The following ARHGEF10 variants were observed in gnomAD, a reference collection of about 807,000 sequenced individuals.
ARHGEF10 encodes the protein Rho guanine nucleotide exchange factor 10.
In ARHGEF10, 140 loss-of-function variants were observed where a neutral mutation model predicts 147.4. The ratio of observed to expected loss-of-function variants is 0.95; its 90% CI spans 0.83 to 1.09. The LOEUF is 1.09. Ranked by LOEUF, ARHGEF10 falls within the 50% of genes least tolerant of loss-of-function variation. The pLI, the probability that ARHGEF10 is intolerant of heterozygous loss-of-function variation, is 0.00. For missense variants in ARHGEF10, 2,222 were observed against 1,752.7 expected (o/e 1.27, Z -4.78); for synonymous variants, 902 against 695.8 (o/e 1.30, Z -4.67).
chr8:1,846,917 A>G lies in ARHGEF10; in HGVS notation c.37+3481A>G, dbSNP rs73540786. 2.3e-3 allele frequency among the ~76,000 whole-genome samples: 354 copies of G among 152,234 alleles called. 2 individuals are homozygous for G. Among genetic ancestry groups the G allele is most frequent in the African/African-American group, 8.1e-3 (335 of 41,524 alleles). On this transcript the variant is annotated intron_variant, in intron 2 of 28. Transcript: ENST00000349830. Reference sequence around the variant, plus strand: ...TGAGTGTAGGTTTTTATACCGCGTTAACATTTGTGTTTGTGAGTATTTTCA... The same window carrying G: ...TGAGTGTAGGTTTTTATACCGCGTTGACATTTGTGTTTGTGAGTATTTTCA...
chr8:1,833,035 GAGAGAC>G (rs1803313769), intron 1 of ARHGEF10, among the ~76,000 whole-genome samples: 1 of 4,114 alleles, frequency 2.4e-4, no homozygotes, highest in African/African-American at 5.9e-4. Flanking sequence ...GACAGGCAGA[GAGAGAC>G]AGAGACAGAG....
chr8:1,905,554 G>A lies in ARHGEF10; in HGVS notation c.1822-17G>A. The A allele has an allele frequency of 6.2e-7, 1 of 1,614,148 alleles. No individual in the cohort carries two copies. Among genetic ancestry groups the A allele is most frequent in the Non-Finnish European group, 8.5e-7 (1 of 1,180,020 alleles). On this transcript the variant is annotated splice_polypyrimidine_tract_variant and intron_variant, in intron 16 of 28. Coordinates refer to ENST00000349830, the MANE Select transcript of ARHGEF10 (RefSeq NM_014629.4). ...TAAACTGAACTGTGGTCCCTGGGCT[G>A]TGTTTTGAATGTCCAGCTTCTCAGC...
Position 1,870,233 on chromosome 8 carries a change from A to ATTTT in ARHGEF10, c.679+1006_679+1009dup, listed in dbSNP as rs60029592. 2.4e-4 allele frequency: 24 copies of ATTTT among 98,778 alleles called. 1 individual carries two copies. The highest frequency in any genetic ancestry group is 7.3e-4 in the African/African-American group (18 of 24,652). The allele number at this position is 98,778 out of a possible 1,614,324, so 6.1% of individuals were successfully genotyped here. On this transcript the variant is annotated intron_variant, in intron 7 of 28. Transcript: ENST00000349830. ...TTTCAGGGGGAGGATCTTGTTACCG[A>ATTTT]TTTTTTTTTTTTTTTTTTTTTTTTT...
At chr8:1,831,869 C>T (rs1803131920) in intron 1 of ARHGEF10, among the ~76,000 whole-genome samples, 1 of 152,212 alleles carries the variant, frequency 6.6e-6, no homozygotes, top group African/African-American at 2.4e-5. Flanking sequence ...GGGGCTGTGG[C>T]CCTGGGTCAG....
chr8:1,955,009 CTCCCTG>C (rs1815376924), intron 28 of ARHGEF10, among the ~76,000 whole-genome samples: 2 of 144,030 alleles, frequency 1.4e-5, no homozygotes, highest in Non-Finnish European at 3.0e-5. Flanking sequence ...TAGCCAGGTG[CTCCCTG>C]AAAGGAGGTG....
chr8:1,864,048 C>T (rs531412241), intron 4 of ARHGEF10, among the ~76,000 whole-genome samples: 13 of 151,464 alleles, frequency 8.6e-5, no homozygotes, highest in Non-Finnish European at 1.5e-4. Context: ...ATCTGGGTGC[C>T]GGTCACAGCC....
At chr8:1,945,284 G>T (rs1007512199) in intron 26 of ARHGEF10, among the ~76,000 whole-genome samples, 197 bp from the exon 27 acceptor site, 2 of 152,214 alleles carry the variant, frequency 1.3e-5, no homozygotes, top group African/African-American at 2.4e-5. Context: ...GGCTCACAAA[G>T]GAGCCAGGAT....
intron 26 of ARHGEF10, among the ~76,000 whole-genome samples, chr8:1,935,306 A>T (rs555456969): frequency 1.3e-5 from 2 of 152,216 alleles, no homozygotes; most frequent in South Asian, 4.1e-4. Flanking sequence ...CAGGGTCCAC[A>T]GTCCCTCATC....
chr8:1,887,050 A>G (rs1808723280), intron 11 of ARHGEF10, among the ~76,000 whole-genome samples: 1 of 152,172 alleles, frequency 6.6e-6, no homozygotes, highest in African/African-American at 2.4e-5. Context: ...CCTTCTTGCC[A>G]GTCCTATGAG....
At chr8:1,841,812 G>GCCGCGGCGGGAACTGGGT (rs1804056805) in intron 1 of ARHGEF10, among the ~76,000 whole-genome samples, 9 of 110,346 alleles carry the variant, frequency 8.2e-5, no homozygotes, top group Non-Finnish European at 1.3e-4. Context: ...AGGAACTGGG[G>GCCGCGGCGGGAACTGGGT]CCGCGGCGGG....
chr8:1,954,712 C>T (rs950854724), intron 28 of ARHGEF10, among the ~76,000 whole-genome samples: 1 of 152,224 alleles, frequency 6.6e-6, no homozygotes, highest in Non-Finnish European at 1.5e-5. Flanking sequence ...CTGAGTTTTA[C>T]GTCAATTATT....
intron 14 of ARHGEF10, among the ~76,000 whole-genome samples, 154 bp downstream of exon 14, chr8:1,896,603 A>T (rs1198207312): frequency 6.6e-6 from 1 of 152,228 alleles, no homozygotes; most frequent in Non-Finnish European, 1.5e-5. Context: ...GATGAATTTT[A>T]GGTCCTAATG....
intron 2 of ARHGEF10, among the ~76,000 whole-genome samples, chr8:1,844,189 C>G (rs1347577300): frequency 6.6e-6 from 1 of 152,110 alleles, no homozygotes; most frequent in Non-Finnish European, 1.5e-5. Context: ...GCTCCAGGCC[C>G]CTTGGCACTG....
At chr8:1,901,601 T>C (rs946956274) in intron 15 of ARHGEF10, among the ~76,000 whole-genome samples, 2 of 152,260 alleles carry the variant, frequency 1.3e-5, no homozygotes, top group Non-Finnish European at 2.9e-5. Context: ...ACTTTTCTCC[T>C]TCCCTGAGCC....
intron 5 of ARHGEF10, 151 bp downstream of exon 5, chr8:1,864,587 C>G: frequency 1.3e-6 from 1 of 781,656 alleles, no homozygotes; most frequent in Non-Finnish European, 2.3e-6. Context: ...GGGTCCCTCC[C>G]AGGCGAGTGT....
intron 6 of ARHGEF10, among the ~76,000 whole-genome samples, chr8:1,867,152 C>A (rs762200347): frequency 6.6e-6 from 1 of 151,876 alleles, no homozygotes; most frequent in Non-Finnish European, 1.5e-5. Context: ...ACAACAGATT[C>A]CAAAACATTT....
At chr8:1,946,623 C>T (rs981417343) in intron 27 of ARHGEF10, among the ~76,000 whole-genome samples, 10 of 152,208 alleles carry the variant, frequency 6.6e-5, no homozygotes, top group Non-Finnish European at 1.5e-4. Flanking sequence ...TCCCCAAAGC[C>T]CCGCCTCCTC....
chr8:1,835,839 G>A (rs915748863), intron 1 of ARHGEF10, among the ~76,000 whole-genome samples: 5 of 152,154 alleles, frequency 3.3e-5, no homozygotes, highest in Admixed American at 2.0e-4. Context: ...CTTCAGCCTC[G>A]GTGTCTCTGG....
rs1248839637 is a variant in ARHGEF10, at chr8:1,928,621, C to T, written c.2892C>T (p.Pro964=). Reference sequence around the variant, plus strand: ...CGGCCGTGAGAGCTTCTGATGTCCCCACGATCTGTGTAGGGACGGAGGAGG... The same window carrying T: ...CGGCCGTGAGAGCTTCTGATGTCCCTACGATCTGTGTAGGGACGGAGGAGG... ...ETPAVRASDV[P]TICVGTEEGS... Residue 964 remains proline (P), a synonymous_variant, in exon 24 of 29, where the codon CCC becomes CCT. Transcript: ENST00000349830. 1 of 1,614,184 alleles carries T rather than the reference C, an allele frequency of 6.2e-7. No homozygotes were observed. The highest frequency in any genetic ancestry group is 1.7e-5 in the Admixed American group (1 of 60,032).
Sources: allele counts gnomAD v4.1 joint callset (sites outside exome capture counted in the v4.1 genomes callset), GRCh38; gene constraint gnomAD v4.1.1; transcripts MANE v1.5; gene names NCBI Gene and HGNC (gene_info 2026-07-23, HGNC 2026-07-21).